Variants in ATXN7L1 observed in about 807,000 individuals in gnomAD.
ATXN7L1 encodes the protein ataxin 7 like 1.
In ATXN7L1, 15 loss-of-function variants were observed where a neutral mutation model predicts 70.8. That is an observed-to-expected ratio of 0.21 (90% CI 0.14 to 0.33). ATXN7L1 has a LOEUF of 0.33. Among genes scored for constraint, ATXN7L1 ranks in the 10% least tolerant of loss-of-function variants. The pLI is 1.00. For missense variants in ATXN7L1, 975 were observed against 1,097.1 expected (o/e 0.89, Z 1.57); for synonymous variants, 440 against 445.1 (o/e 0.99, Z 0.14).
intron 4 of ATXN7L1, among the ~76,000 whole-genome samples, chr7:105,644,527 T>C (rs2115938367): frequency 6.6e-6 from 1 of 152,350 alleles, no homozygotes; most frequent in Admixed American, 6.5e-5. Context: ...ATTCCGTCCC[T>C]GATCAGAGTG....
At chr7:105,639,456 C>G in intron 6 of ATXN7L1, 31 bp downstream of exon 6, 10 of 1,518,190 alleles carry the variant, frequency 6.6e-6, no homozygotes, top group Non-Finnish European at 9.0e-6. Flanking sequence ...CCAGCGAGAG[C>G]AGGAAGTATT....
intron 9 of ATXN7L1, among the ~76,000 whole-genome samples, chr7:105,618,366 C>A (rs1206356474): frequency 6.6e-6 from 1 of 152,180 alleles, no homozygotes; most frequent in Non-Finnish European, 1.5e-5. Flanking sequence ...GCCCTTTACA[C>A]ACACTGGGCA....
intron 2 of ATXN7L1, among the ~76,000 whole-genome samples, chr7:105,797,905 G>A (rs1806233529): frequency 6.6e-6 from 1 of 152,224 alleles, no homozygotes; most frequent in African/African-American, 2.4e-5. Context: ...TATCTCCATA[G>A]TCAAACAGTC....
At chr7:105,788,401 G>A (rs55753065) in intron 3 of ATXN7L1, 10,639 of 559,124 alleles carry the variant, frequency 0.019, 873 homozygotes, top group African/African-American at 0.18. Flanking sequence ...TCTCTCATTT[G>A]TTCTGACAGG....
At chr7:105,817,692 G>A (rs1223077731) in intron 2 of ATXN7L1, among the ~76,000 whole-genome samples, 1 of 152,182 alleles carries the variant, frequency 6.6e-6, no homozygotes, top group Admixed American at 6.5e-5. Context: ...TGAGGCTGGA[G>A]CAACATTTGA....
chr7:105,677,818 C>T, intron 3 of ATXN7L1: 1 of 514,178 alleles, frequency 1.9e-6, no homozygotes, highest in Non-Finnish European at 2.5e-6. Context: ...ATAAGAGAGG[C>T]CACCACTGCT....
intron 3 of ATXN7L1, chr7:105,691,727 G>A (rs1002511206): frequency 6.6e-6 from 1 of 150,420 alleles, no homozygotes; most frequent in East Asian, 1.9e-4. Context: ...AAATCGCAAC[G>A]ACTAAACAAC....
chr7:105,654,457 G>C (rs898591878), intron 4 of ATXN7L1, among the ~76,000 whole-genome samples: 2 of 152,256 alleles, frequency 1.3e-5, no homozygotes, highest in African/African-American at 4.8e-5. Flanking sequence ...ATGAAGGGCA[G>C]AGAGAGCTTG....
At chr7:105,656,262 G>A (rs754473594) in intron 4 of ATXN7L1, among the ~76,000 whole-genome samples, 1 of 152,238 alleles carries the variant, frequency 6.6e-6, no homozygotes, top group East Asian at 1.9e-4. Context: ...AATGCTCATC[G>A]GAGCTCAAAA....
At chr7:105,690,860 T>C (rs1372153637) in intron 3 of ATXN7L1, among the ~76,000 whole-genome samples, 1 of 152,214 alleles carries the variant, frequency 6.6e-6, no homozygotes, top group Non-Finnish European at 1.5e-5. Flanking sequence ...AGAGTGCTAA[T>C]TCCGGCTTAG....
chr7:105,758,772 A>C (rs1800129188), intron 3 of ATXN7L1, among the ~76,000 whole-genome samples: 1 of 152,230 alleles, frequency 6.6e-6, no homozygotes, highest in African/African-American at 2.4e-5. Flanking sequence ...CCATCTGTAG[A>C]TAGACCAGGG....
At chr7:105,758,648 G>A (rs141328948) in intron 3 of ATXN7L1, among the ~76,000 whole-genome samples, 1 of 152,206 alleles carries the variant, frequency 6.6e-6, no homozygotes, top group Non-Finnish European at 1.5e-5. Context: ...GGCCTCCCTG[G>A]CCACCACCCA....
intron 2 of ATXN7L1, among the ~76,000 whole-genome samples, chr7:105,795,003 A>G (rs911386637): frequency 5.9e-5 from 9 of 152,202 alleles, no homozygotes; most frequent in Non-Finnish European, 1.3e-4. Context: ...CATTCACGTT[A>G]TCAGCTTGGT....
rs376151615 is a variant in ATXN7L1, at chr7:105,701,009, C to G, written c.356-35721G>C. 3.0e-4 allele frequency among the ~76,000 whole-genome samples: 46 copies of G among 152,262 alleles called. 3 individuals are homozygous for G. The highest frequency in any genetic ancestry group is 1.2e-3 in the Admixed American group (19 of 15,296). On this transcript the variant is annotated intron_variant, in intron 3 of 11. Transcript: ENST00000419735. ...TGTGCCTTATTATTTATAGCTCCTC[C>G]TAGTGTACACTTTAACTGTCATGGA...
intron 3 of ATXN7L1, among the ~76,000 whole-genome samples, chr7:105,684,292 C>G (rs375501343): frequency 1.1e-4 from 17 of 152,238 alleles, no homozygotes; most frequent in African/African-American, 4.1e-4. Flanking sequence ...AAACTTCCTT[C>G]TCTCAGGCTA....
intron 5 of ATXN7L1, among the ~76,000 whole-genome samples, chr7:105,641,616 C>T (rs893576539): frequency 1.1e-4 from 16 of 152,248 alleles, no homozygotes; most frequent in African/African-American, 3.1e-4. Context: ...ACTGTGCCCA[C>T]GCCTACCGGT....
chr7:105,808,487 C>G (rs1807933678), intron 2 of ATXN7L1, among the ~76,000 whole-genome samples: 2 of 152,176 alleles, frequency 1.3e-5, no homozygotes, highest in Non-Finnish European at 2.9e-5. Context: ...TTGCTCCCTC[C>G]TCCAGTCCAA....
chr7:105,746,721 T>C (rs1584908022), intron 3 of ATXN7L1, among the ~76,000 whole-genome samples: 1 of 152,306 alleles, frequency 6.6e-6, no homozygotes, highest in East Asian at 1.9e-4. Flanking sequence ...CATAATAGGA[T>C]CTCCTTAGTA....
At chr7:105,757,752 T>G (rs1426660143) in intron 3 of ATXN7L1, among the ~76,000 whole-genome samples, 1 of 125,872 alleles carries the variant, frequency 7.9e-6, no homozygotes, top group Non-Finnish European at 1.6e-5. Context: ...CTGGCTAATT[T>G]TGACATTTTT....
Sources: allele counts gnomAD v4.1 joint callset (sites outside exome capture counted in the v4.1 genomes callset), GRCh38; gene constraint gnomAD v4.1.1; transcripts MANE v1.5; gene names NCBI Gene and HGNC (gene_info 2026-07-23, HGNC 2026-07-21).